Variants in GNA14 observed in about 807,000 individuals in gnomAD.
GNA14 encodes G protein subunit alpha 14.
In GNA14, 50 loss-of-function variants were observed where a neutral mutation model predicts 42.0. The ratio of observed to expected loss-of-function variants is 1.19; its 90% CI spans 0.95 to 1.51. GNA14 has a LOEUF of 1.51. GNA14 is among the 40% of genes most tolerant of loss of function. The probability of loss-of-function intolerance (pLI) is 0.00; values close to 1 mark genes in which losing one functional copy is unlikely to be tolerated. For synonymous variants in GNA14, 173 were observed against 163.1 expected (o/e 1.06, Z -0.46); for missense variants, 473 against 446.2 (o/e 1.06, Z -0.54).
chr9:77,515,983 A>AAAAAAAAAAAAAC lies in GNA14; in HGVS notation c.309+13085_309+13086insGTTTTTTTTTTTT, dbSNP rs1276481734. 2.2e-4 allele frequency among the ~76,000 whole-genome samples: 32 copies of AAAAAAAAAAAAAC among 145,444 alleles called. No individual in the cohort carries two copies. The East Asian group carries it at 2.7e-3, about 12-fold the overall frequency. ...CACAAAAAAAAAAAAAAAAAAAAAA[A>AAAAAAAAAAAAAC]CCCAGAGCAGGAAGAGACAGCCATG... On this transcript the variant is annotated intron_variant, in intron 2 of 6. Transcript: ENST00000341700.
At chr9:77,483,514 G>T (rs996590694) in intron 2 of GNA14, among the ~76,000 whole-genome samples, 4 of 152,150 alleles carry the variant, frequency 2.6e-5, no homozygotes, top group Non-Finnish European at 4.4e-5. Flanking sequence ...GCTGCTCAGG[G>T]GTCAGGGATC....
chr9:77,593,371 A>G lies in GNA14; in HGVS notation c.124+54299T>C, dbSNP rs555514080. Among the ~76,000 whole-genome samples the G allele has an allele frequency of 4.3e-3, 630 of 147,782 alleles. 4 individuals are homozygous for G. Among genetic ancestry groups the G allele is most frequent in the African/African-American group, 0.016 (603 of 37,632 alleles). On this transcript the variant is annotated intron_variant, in intron 1 of 6. Coordinates refer to ENST00000341700, the MANE Select transcript of GNA14 (RefSeq NM_004297.4). ...GAAACGGAGTCTCACTCTATTGTCC[A>G]GGCTGGAGTGCAGTGGTGTGATCTT...
At chr9:77,548,001 G>A (rs1039367637) in intron 1 of GNA14, among the ~76,000 whole-genome samples, 5 of 152,196 alleles carry the variant, frequency 3.3e-5, no homozygotes, top group South Asian at 2.1e-4. Context: ...GGTCGGAGAT[G>A]GGAATCATAA....
At chr9:77,543,882 T>C (rs1037646369) in intron 1 of GNA14, among the ~76,000 whole-genome samples, 1 of 152,186 alleles carries the variant, frequency 6.6e-6, no homozygotes, top group Non-Finnish European at 1.5e-5. Context: ...TCATCTTGCC[T>C]CCTTCCCATA....
At chr9:77,608,600 G>A (rs1564065560) in intron 1 of GNA14, among the ~76,000 whole-genome samples, 1 of 152,132 alleles carries the variant, frequency 6.6e-6, no homozygotes, top group Non-Finnish European at 1.5e-5. Flanking sequence ...TTGACCTGTG[G>A]TAAGAGTGGC....
At chr9:77,608,171 C>T (rs1172046880) in intron 1 of GNA14, among the ~76,000 whole-genome samples, 1 of 152,184 alleles carries the variant, frequency 6.6e-6, no homozygotes, top group Non-Finnish European at 1.5e-5. Flanking sequence ...TAAGCCTTAG[C>T]ATCTAATCGA....
intron 1 of GNA14, among the ~76,000 whole-genome samples, chr9:77,587,859 AT>A (rs1374736349): frequency 6.6e-6 from 1 of 152,192 alleles, no homozygotes; most frequent in Non-Finnish European, 1.5e-5. Flanking sequence ...ATAGTTCTGG[AT>A]TTCAAAAATC....
intron 2 of GNA14, among the ~76,000 whole-genome samples, chr9:77,490,515 C>T (rs991041815): frequency 6.6e-5 from 10 of 152,366 alleles, no homozygotes; most frequent in South Asian, 2.1e-4. Flanking sequence ...GCTGCAGTCC[C>T]GAGGCCTGCC....
At chr9:77,460,929 A>C (rs1221167950) in intron 2 of GNA14, among the ~76,000 whole-genome samples, 5 of 152,196 alleles carry the variant, frequency 3.3e-5, no homozygotes, top group Non-Finnish European at 5.9e-5. Context: ...AACCAAACCA[A>C]ATCAACCCAG....
intron 2 of GNA14, among the ~76,000 whole-genome samples, chr9:77,502,338 C>A (rs1198471544): frequency 6.6e-6 from 1 of 152,192 alleles, no homozygotes; most frequent in Non-Finnish European, 1.5e-5. Flanking sequence ...GGTATAGTCA[C>A]TTTCCATTGA....
At chr9:77,477,294 C>G (rs1587786394) in intron 2 of GNA14, among the ~76,000 whole-genome samples, 2 of 152,144 alleles carry the variant, frequency 1.3e-5, no homozygotes, top group South Asian at 4.1e-4. Context: ...TTGCAGTGAA[C>G]TGAGATCCTG....
Position 77,501,440 on chromosome 9 carries a change from T to C in GNA14, c.309+27629A>G, listed in dbSNP as rs373977183. On this transcript the variant is annotated intron_variant, in intron 2 of 6. Coordinates refer to ENST00000341700, the MANE Select transcript of GNA14 (RefSeq NM_004297.4). The stretch of plus-strand genomic sequence containing the variant: ...CCTCATTGTGATTTTAATTTTCATT[T>C]TCCTAATAGCTAATGAATGATATTG... 3.1e-4 allele frequency among the ~76,000 whole-genome samples: 47 copies of C among 152,336 alleles called. 2 individuals are homozygous for C. In the South Asian group the frequency reaches 9.1e-3, roughly 30 times the overall value.
chr9:77,547,203 T>A (rs1198851476), intron 1 of GNA14, among the ~76,000 whole-genome samples: 1 of 152,216 alleles, frequency 6.6e-6, no homozygotes, highest in Non-Finnish European at 1.5e-5. Context: ...CCCAACTGTC[T>A]GCTTTGTTTC....
In GNA14 at chr9:77,470,580, A is replaced by G. The variant is rs1836313528; in HGVS notation, c.310-36058T>C. On this transcript the variant is annotated intron_variant, in intron 2 of 6. Transcript: ENST00000341700. ...AGTGGTGAATGCCTATGAAAGCTAT[A>G]GCTAAAGTGCTACAGAGGATTAGAA... 1.3e-5 allele frequency among the ~76,000 whole-genome samples: 2 copies of G among 152,254 alleles called. 1 individual carries two copies. The highest frequency in any genetic ancestry group is 4.1e-4 in the South Asian group (2 of 4,836).
chr9:77,569,093 G>A (rs1270565062), intron 1 of GNA14, among the ~76,000 whole-genome samples: 1 of 151,466 alleles, frequency 6.6e-6, no homozygotes, highest in African/African-American at 2.4e-5. Context: ...TTCTGTTAAA[G>A]AGCTCCGCCA....
chr9:77,538,243 T>TA (rs1321233320), intron 1 of GNA14, among the ~76,000 whole-genome samples: 1 of 152,034 alleles, frequency 6.6e-6, no homozygotes, highest in East Asian at 1.9e-4. Context: ...GCTAATTTTT[T>TA]AAAATTTTTT....
rs1178236632 is a variant in GNA14 at position 77,479,927 on chromosome 9, T to C, written c.310-45405A>G. ...TATCCTGAGACTTTGCTGAAGTTGC[T>C]TATCAGCTTAAGGAGATTTTGGGCT... On this transcript the variant is annotated intron_variant, in intron 2 of 6. Transcript: ENST00000341700. Among the ~76,000 whole-genome samples the C allele has an allele frequency of 2.6e-5, 4 of 152,306 alleles. No homozygotes were observed. In the East Asian group the frequency reaches 5.8e-4, roughly 22 times the overall value.
intron 1 of GNA14, among the ~76,000 whole-genome samples, chr9:77,611,763 CT>C (rs1309608819): frequency 9.2e-5 from 14 of 152,272 alleles, no homozygotes; most frequent in African/African-American, 3.1e-4. Context: ...GTTTGAGTAA[CT>C]TCCCATTCTC....
At chr9:77,624,601 C>A (rs147536685) in intron 1 of GNA14, among the ~76,000 whole-genome samples, 1 of 152,116 alleles carries the variant, frequency 6.6e-6, no homozygotes, top group Non-Finnish European at 1.5e-5. Flanking sequence ...GATGTTCTGC[C>A]GCCTCCGCTG....
Sources: allele counts gnomAD v4.1 joint callset (sites outside exome capture counted in the v4.1 genomes callset), GRCh38; gene constraint gnomAD v4.1.1; transcripts MANE v1.5; gene names NCBI Gene and HGNC (gene_info 2026-07-23, HGNC 2026-07-21).